The following RRAS2 variants were observed in gnomAD, a reference collection of about 807,000 sequenced individuals.
RRAS2 encodes the protein ras-related protein R-Ras2.
Under a neutral mutation model 27.6 loss-of-function variants are expected in RRAS2, and 7 were observed. That is an observed-to-expected ratio of 0.25 (90% CI 0.14 to 0.48). The LOEUF (loss-of-function observed/expected upper bound fraction) is 0.48. RRAS2 is among the 20% of genes least tolerant of loss of function. The pLI, the probability that RRAS2 is intolerant of heterozygous loss-of-function variation, is 0.99. For synonymous variants in RRAS2, 86 were observed against 90.9 expected (o/e 0.95, Z 0.31); for missense variants, 178 against 256.2 (o/e 0.69, Z 2.08).
At chr11:14,284,901 C>T (rs1447793710) in intron 4 of RRAS2, among the ~76,000 whole-genome samples, 3 of 152,032 alleles carry the variant, frequency 2.0e-5, no homozygotes, top group African/African-American at 7.2e-5. Flanking sequence ...ACCTTTGTGT[C>T]TTCACATTTA....
chr11:14,296,009 T>TA (rs376614661), intron 1 of RRAS2, 154 bp from the exon 2 acceptor site: 248 of 505,912 alleles, frequency 4.9e-4, no homozygotes, highest in Middle Eastern at 5.8e-4. Flanking sequence ...TCTTATCTCT[T>TA]AAAAAAAAAT....
intron 1 of RRAS2, among the ~76,000 whole-genome samples, chr11:14,330,734 T>C (rs544901679): frequency 3.9e-5 from 6 of 152,208 alleles, no homozygotes; most frequent in Non-Finnish European, 8.8e-5. Flanking sequence ...TAACCACAGC[T>C]ATATGTTGAG....
intron 1 of RRAS2, among the ~76,000 whole-genome samples, chr11:14,340,648 G>T (rs180780604): frequency 6.6e-5 from 10 of 152,184 alleles, no homozygotes; most frequent in Non-Finnish European, 1.0e-4. Context: ...AATCAATACC[G>T]TAAGAGTTAG....
intron 1 of RRAS2, among the ~76,000 whole-genome samples, chr11:14,339,420 ACAGT>A (rs1848654278): frequency 6.6e-6 from 1 of 152,190 alleles, no homozygotes; most frequent in South Asian, 2.1e-4. Context: ...GTTCATCAGA[ACAGT>A]CATTCTATTT....
intron 4 of RRAS2, among the ~76,000 whole-genome samples, chr11:14,284,265 CCCTTTT>C (rs1554944744): frequency 6.6e-6 from 1 of 151,968 alleles, no homozygotes; most frequent in African/African-American, 2.4e-5. Context: ...TTTGTAATTT[CCCTTTT>C]CATTTTCTTG....
intron 1 of RRAS2, among the ~76,000 whole-genome samples, chr11:14,323,834 T>C (rs1410807503): frequency 5.3e-5 from 8 of 152,074 alleles, no homozygotes; most frequent in Non-Finnish European, 1.0e-4. Context: ...TATAAAAATA[T>C]ACATTATGAC....
At chr11:14,310,594 T>C (rs1554948732) in intron 1 of RRAS2, among the ~76,000 whole-genome samples, 1 of 152,152 alleles carries the variant, frequency 6.6e-6, no homozygotes, top group African/African-American at 2.4e-5. Flanking sequence ...AGCAAGCACT[T>C]ACATGACATT....
intron 1 of RRAS2, among the ~76,000 whole-genome samples, chr11:14,296,813 A>G (rs1847565227): frequency 6.6e-6 from 1 of 152,054 alleles, no homozygotes; most frequent in African/African-American, 2.4e-5. Context: ...TACCGAAGTC[A>G]TTACCATAAA....
At chr11:14,347,704 G>A (rs535111160) in intron 1 of RRAS2, among the ~76,000 whole-genome samples, 44 of 152,070 alleles carry the variant, frequency 2.9e-4, no homozygotes, top group Non-Finnish European at 2.9e-4. Flanking sequence ...TAGTGCCCGC[G>A]CTTTGGCAGG....
At position 14,348,452 on chromosome 11, in the gene RRAS2, T is replaced by A. The variant is rs140637061; in HGVS notation, c.108+10311A>T. 8.7e-4 allele frequency among the ~76,000 whole-genome samples: 132 copies of A among 152,342 alleles called. 1 individual carries two copies. The highest frequency in any genetic ancestry group is 3.0e-3 in the African/African-American group (123 of 41,572). ...TTATGGTTCTTACTTAAATCAACTG[T>A]TATAATTGCCAAAAGGCAACTTACT... is the stretch of plus-strand genomic sequence containing the variant. On this transcript the variant is annotated intron_variant, in intron 1 of 5. Transcript: ENST00000256196.
rs1219058486 is a variant in RRAS2, at chr11:14,358,420, G to A, written c.108+343C>T. 2 of 985,316 alleles carry A rather than the reference G, an allele frequency of 2.0e-6. No homozygotes were observed. The highest frequency in any genetic ancestry group is 2.4e-6 in the Non-Finnish European group (2 of 830,040). The allele number at this position is 985,316 out of a possible 1,614,324, so 61.0% of individuals were successfully genotyped here. On this transcript the variant is annotated intron_variant, in intron 1 of 5. Transcript: ENST00000256196. This position sits in a 1 kb window ranked among gnomAD's most constrained non-coding sequence, Gnocchi z 5.1. ...GCTCCAGCCCCACGCCCGGACCCTC[G>A]GAGCAGTAAAGCCCGGCTCGGTGGC...
At chr11:14,350,069 A>G (rs1554954561) in intron 1 of RRAS2, among the ~76,000 whole-genome samples, 2 of 152,166 alleles carry the variant, frequency 1.3e-5, no homozygotes, top group African/African-American at 4.8e-5. Context: ...ATCAACCTCC[A>G]ATTTATCTTT....
intron 4 of RRAS2, among the ~76,000 whole-genome samples, chr11:14,287,327 G>A (rs1430475954): frequency 6.6e-6 from 1 of 152,002 alleles, no homozygotes; most frequent in Non-Finnish European, 1.5e-5. Context: ...AGTAAATGGT[G>A]TACAACTAAC....
At chr11:14,302,109 C>CACACACACACACACACACACACACAT (rs1415452446) in intron 1 of RRAS2, among the ~76,000 whole-genome samples, 11 of 138,906 alleles carry the variant, frequency 7.9e-5, no homozygotes, top group Non-Finnish European at 9.6e-5. Flanking sequence ...CACACACACA[C>CACACACACACACACACACACACACAT]ACCAAAAACC....
chr11:14,345,047 G>T (rs1848800714), intron 1 of RRAS2, among the ~76,000 whole-genome samples: 1 of 143,772 alleles, frequency 7.0e-6, no homozygotes, highest in Non-Finnish European at 1.5e-5. Flanking sequence ...GAGTGCAGTG[G>T]TGTGATCTCA....
chr11:14,304,157 T>C (rs1245315732), intron 1 of RRAS2, among the ~76,000 whole-genome samples: 2 of 152,222 alleles, frequency 1.3e-5, no homozygotes, highest in African/African-American at 4.8e-5. Context: ...TAGATTTGTA[T>C]ACTAAACCTT....
chr11:14,321,494 T>C (rs1848221614), intron 1 of RRAS2, among the ~76,000 whole-genome samples: 3 of 152,152 alleles, frequency 2.0e-5, no homozygotes, highest in Non-Finnish European at 2.9e-5. Flanking sequence ...GTCTTGTGTT[T>C]TGTGTTTGAT....
At chr11:14,320,159 G>A (rs1386908412) in intron 1 of RRAS2, among the ~76,000 whole-genome samples, 1 of 151,938 alleles carries the variant, frequency 6.6e-6, no homozygotes, top group African/African-American at 2.4e-5. Flanking sequence ...TTTACCTCCT[G>A]CTATTTCCTT....
chr11:14,335,995 T>C (rs960081826), intron 1 of RRAS2, among the ~76,000 whole-genome samples: 2 of 152,268 alleles, frequency 1.3e-5, no homozygotes, highest in Admixed American at 1.3e-4. Context: ...GTGGGGATCC[T>C]AGAATCCCAC....
Sources: allele counts gnomAD v4.1 joint callset (sites outside exome capture counted in the v4.1 genomes callset), GRCh38; gene constraint gnomAD v4.1.1; non-coding constraint Gnocchi (gnomAD v3.1); transcripts MANE v1.5; gene names NCBI Gene and HGNC (gene_info 2026-07-23, HGNC 2026-07-21).